GPC5: variants seen among roughly 807,000 people sequenced by gnomAD.
GPC5 encodes the protein glypican 5.
In GPC5, 47 loss-of-function variants were observed where a neutral mutation model predicts 53.9. That is an observed-to-expected ratio of 0.87 (90% CI 0.69 to 1.11). The LOEUF is 1.11. GPC5 is among the 50% of genes most tolerant of loss of function. The pLI, the probability that GPC5 is intolerant of heterozygous loss-of-function variation, is 0.00. For synonymous variants in GPC5, 286 were observed against 263.3 expected (o/e 1.09, Z -0.84); for missense variants, 748 against 713.1 (o/e 1.05, Z -0.56).
chr13:91,814,224 G>T (rs956819736), intron 5 of GPC5, among the ~76,000 whole-genome samples: 3 of 151,844 alleles, frequency 2.0e-5, no homozygotes, highest in Non-Finnish European at 4.4e-5. Flanking sequence ...GAGCCACTGC[G>T]CCCGGCTAAC....
chr13:91,573,831 G>T (rs1001378385), intron 2 of GPC5, among the ~76,000 whole-genome samples: 1 of 152,096 alleles, frequency 6.6e-6, no homozygotes, highest in African/African-American at 2.4e-5. Flanking sequence ...GAGAGTAAGT[G>T]CTTCAACAAA....
intron 7 of GPC5, among the ~76,000 whole-genome samples, chr13:92,249,668 T>C (rs1469750568): frequency 6.6e-6 from 1 of 151,904 alleles, no homozygotes; most frequent in Admixed American, 6.6e-5. Context: ...TGCTCAATGG[T>C]TTAGTATATT....
chr13:92,728,928 A>T (rs1038994345), intron 7 of GPC5, among the ~76,000 whole-genome samples: 1 of 151,386 alleles, frequency 6.6e-6, no homozygotes, highest in African/African-American at 2.4e-5. Flanking sequence ...TAACAGCAGT[A>T]CTAGGGCAAA....
chr13:91,979,810 T>G (rs1422471127), intron 6 of GPC5, among the ~76,000 whole-genome samples: 1 of 121,658 alleles, frequency 8.2e-6, no homozygotes, highest in African/African-American at 2.5e-5. Context: ...GCAACAGCAC[T>G]TATTATCCCT....
intron 7 of GPC5, among the ~76,000 whole-genome samples, chr13:92,708,067 T>C (rs532825888): frequency 5.3e-5 from 8 of 152,308 alleles, no homozygotes; most frequent in Admixed American, 2.0e-4. Flanking sequence ...ATCATGAACA[T>C]GGTCATGTTC....
chr13:92,599,961 A>G (rs899275911), intron 7 of GPC5, among the ~76,000 whole-genome samples: 1 of 152,184 alleles, frequency 6.6e-6, no homozygotes, highest in Non-Finnish European at 1.5e-5. Context: ...ATCACCCCAA[A>G]CAAGAAATAT....
chr13:92,159,892 G>A (rs985030188), intron 7 of GPC5, among the ~76,000 whole-genome samples: 2 of 148,618 alleles, frequency 1.3e-5, no homozygotes, highest in Middle Eastern at 3.5e-3. Flanking sequence ...GTGAGCCACC[G>A]AGCCCGGTCC....
chr13:92,094,748 A>G (rs1455658995), intron 6 of GPC5, among the ~76,000 whole-genome samples: 2 of 151,728 alleles, frequency 1.3e-5, no homozygotes, highest in Admixed American at 6.6e-5. Flanking sequence ...TCTTTTTTGT[A>G]TATTTTCAGC....
intron 7 of GPC5, among the ~76,000 whole-genome samples, chr13:92,353,608 GTTA>G (rs1312826991): frequency 1.3e-5 from 2 of 152,030 alleles, no homozygotes; most frequent in South Asian, 2.1e-4. Context: ...TGGAGCAAAA[GTTA>G]TTATTAAAAA....
intron 5 of GPC5, among the ~76,000 whole-genome samples, chr13:91,763,512 C>T (rs2037458752): frequency 6.6e-6 from 1 of 152,104 alleles, no homozygotes; most frequent in Admixed American, 6.6e-5. Context: ...AGAACTGAAA[C>T]ATTTGTGCTC....
chr13:91,406,302 C>T (rs1877319007), intron 1 of GPC5, among the ~76,000 whole-genome samples: 1 of 152,072 alleles, frequency 6.6e-6, no homozygotes, highest in African/African-American at 2.4e-5. Flanking sequence ...TAGACATAGG[C>T]CTGTGGATAC....
intron 2 of GPC5, among the ~76,000 whole-genome samples, chr13:91,620,466 T>C (rs2033823089): frequency 6.6e-6 from 1 of 152,128 alleles, no homozygotes; most frequent in African/African-American, 2.4e-5. Flanking sequence ...AATTGTTTCT[T>C]CTTTGGGTAC....
intron 6 of GPC5, among the ~76,000 whole-genome samples, chr13:92,082,337 A>G (rs1270053986): frequency 6.6e-6 from 1 of 152,194 alleles, no homozygotes; most frequent in East Asian, 1.9e-4. Flanking sequence ...ATTTGGGGAA[A>G]GAAATTCTGT....
intron 7 of GPC5, among the ~76,000 whole-genome samples, chr13:92,365,393 C>A (rs765884591): frequency 3.3e-5 from 5 of 151,714 alleles, no homozygotes; most frequent in Non-Finnish European, 7.3e-5. Flanking sequence ...CTGACAGTTG[C>A]TCTGGGCAGG....
At chr13:91,918,397 A>T (rs763153312) in intron 6 of GPC5, among the ~76,000 whole-genome samples, 3 of 152,218 alleles carry the variant, frequency 2.0e-5, no homozygotes, top group Admixed American at 6.5e-5. Context: ...TATATGGAAC[A>T]TCTCCTTAAT....
chr13:92,435,068 C>T (rs1235212049), intron 7 of GPC5, among the ~76,000 whole-genome samples: 2 of 152,084 alleles, frequency 1.3e-5, no homozygotes, highest in East Asian at 1.9e-4. Flanking sequence ...GTGCATGCCA[C>T]CACACCCAGC....
intron 2 of GPC5, among the ~76,000 whole-genome samples, chr13:91,466,224 A>T (rs1458134615): frequency 6.6e-6 from 1 of 152,188 alleles, no homozygotes; most frequent in Admixed American, 6.5e-5. Flanking sequence ...AAATTAGCGT[A>T]AAAGTGCTTA....
intron 2 of GPC5, among the ~76,000 whole-genome samples, chr13:91,589,113 T>A (rs2032703666): frequency 6.6e-6 from 1 of 152,134 alleles, no homozygotes; most frequent in South Asian, 2.1e-4. Context: ...ACTGCCTAAT[T>A]TTTGTGCAGT....
At chr13:92,785,613 C>T (rs753366049) in intron 7 of GPC5, among the ~76,000 whole-genome samples, 1 of 152,166 alleles carries the variant, frequency 6.6e-6, no homozygotes, top group Non-Finnish European at 1.5e-5. Flanking sequence ...CATATAGTGG[C>T]TTGATTTATC....
Sources: gnomAD v4.1 joint callset for allele counts (sites outside exome capture counted in the v4.1 genomes callset) on GRCh38, gnomAD v4.1.1 for gene constraint, MANE v1.5 for transcripts, NCBI Gene and HGNC (gene_info 2026-07-23, HGNC 2026-07-21) for gene names.